Variants in PCDHA3 observed in about 807,000 individuals in gnomAD.
PCDHA3 encodes protocadherin alpha 3.
Under a neutral mutation model 62.2 loss-of-function variants are expected in PCDHA3, and 41 were observed. That is an observed-to-expected ratio of 0.66 (90% CI 0.51 to 0.86). PCDHA3 has a LOEUF of 0.86. Among genes scored for constraint, PCDHA3 ranks in the 40% least tolerant of loss-of-function variants. PCDHA3 has a pLI of 0.00. For synonymous variants in PCDHA3, 640 were observed against 555.4 expected, an observed-to-expected ratio of 1.15 and a Z score of -2.14; for missense variants, 1,304 against 1,241.2, an observed-to-expected ratio of 1.05 and a Z score of -0.76.
At chr5:140,897,307 A>G (rs2065987327) in intron 1 of PCDHA3, among the ~76,000 whole-genome samples, 2 of 148,058 alleles carry the variant, frequency 1.4e-5, no homozygotes, top group African/African-American at 2.5e-5. Context: ...AGCATTAGGT[A>G]TATCTCCTAA....
intron 1 of PCDHA3, among the ~76,000 whole-genome samples, chr5:140,901,744 A>G (rs781984509): frequency 1.3e-5 from 2 of 152,144 alleles, no homozygotes; most frequent in Non-Finnish European, 2.9e-5. Context: ...AAGAATGTCC[A>G]TGGTATTTTG....
chr5:140,891,055 G>A (rs2062932146), intron 1 of PCDHA3, among the ~76,000 whole-genome samples: 1 of 152,142 alleles, frequency 6.6e-6, no homozygotes, highest in Admixed American at 6.5e-5. Context: ...ACAGCACATA[G>A]TAAATATTAT....
At chr5:140,916,363 T>C (rs2077541371) in intron 1 of PCDHA3, among the ~76,000 whole-genome samples, 2 of 152,124 alleles carry the variant, frequency 1.3e-5, no homozygotes, top group African/African-American at 4.8e-5. Context: ...GAAGGAGTCT[T>C]TCACTGTAGC....
intron 1 of PCDHA3, chr5:140,822,231 G>T (rs1328345342): frequency 5.0e-6 from 8 of 1,614,118 alleles, no homozygotes; most frequent in Middle Eastern, 1.6e-4. Flanking sequence ...CGCGGTTTCC[G>T]CTAGAGGGCG....
chr5:140,882,116 GTTTC>G (rs1420968771), intron 1 of PCDHA3: 4 of 1,427,956 alleles, frequency 2.8e-6, no homozygotes, highest in South Asian at 1.4e-5. Flanking sequence ...GAAAGCCGCC[GTTTC>G]TTTCTTCCTG....
intron 1 of PCDHA3, among the ~76,000 whole-genome samples, chr5:140,950,043 A>G (rs1011500100): frequency 1.6e-4 from 25 of 151,950 alleles, no homozygotes; most frequent in Non-Finnish European, 3.4e-4. Context: ...TTACAACCAT[A>G]TAAGACTATT....
intron 1 of PCDHA3, chr5:140,877,824 A>G (rs1554170141): frequency 1.9e-6 from 3 of 1,602,118 alleles, no homozygotes; most frequent in Non-Finnish European, 2.6e-6. Flanking sequence ...AAGATTGTTT[A>G]AATCCTCCCA....
intron 1 of PCDHA3, chr5:140,865,276 A>C (rs1259929585): frequency 6.6e-6 from 1 of 152,182 alleles, no homozygotes; most frequent in African/African-American, 2.4e-5. Flanking sequence ...TTATATGTAA[A>C]ATTACTTTGC....
intron 1 of PCDHA3, chr5:140,871,653 C>G (rs2053243834): frequency 3.2e-6 from 4 of 1,244,250 alleles, no homozygotes; most frequent in Non-Finnish European, 4.4e-6. Flanking sequence ...CCAAATGATA[C>G]ACATCTTCAG....
At chr5:140,993,616 C>A (rs1554253872) in intron 3 of PCDHA3, among the ~76,000 whole-genome samples, 2 of 151,688 alleles carry the variant, frequency 1.3e-5, no homozygotes, top group Admixed American at 6.6e-5. Context: ...TTGTTGGGAC[C>A]CTCTATATAT....
intron 1 of PCDHA3, chr5:140,883,882 C>T (rs200536915): frequency 6.8e-6 from 11 of 1,613,068 alleles, no homozygotes; most frequent in Middle Eastern, 1.7e-4. Flanking sequence ...TGAGCGCGCG[C>T]GACTCTGGCG....
chr5:140,896,391 A>G (rs1438393041), intron 1 of PCDHA3, among the ~76,000 whole-genome samples: 2 of 152,040 alleles, frequency 1.3e-5, no homozygotes, highest in Non-Finnish European at 2.9e-5. Context: ...CCTCACCAGC[A>G]TCTGTTATTT....
chr5:140,869,999 G>A, intron 1 of PCDHA3: 1 of 1,613,514 alleles, frequency 6.2e-7, no homozygotes, highest in Non-Finnish European at 8.5e-7. Context: ...CAAAATAATG[G>A]AGAAGTGAGG....
At chr5:140,862,498 TG>T in intron 1 of PCDHA3, 1 of 395,232 alleles carries the variant, frequency 2.5e-6, no homozygotes, top group Non-Finnish European at 5.1e-6. Flanking sequence ...TCGCTCGGAA[TG>T]GGGACTCGCT....
At chr5:140,935,245 T>A (rs1409133658) in intron 1 of PCDHA3, among the ~76,000 whole-genome samples, 1 of 152,200 alleles carries the variant, frequency 6.6e-6, no homozygotes, top group Non-Finnish European at 1.5e-5. Flanking sequence ...TTTTAAAAGA[T>A]AAAATACATC....
chr5:140,975,841 G>T (rs1389959509), intron 1 of PCDHA3, among the ~76,000 whole-genome samples: 1 of 152,066 alleles, frequency 6.6e-6, no homozygotes, highest in Non-Finnish European at 1.5e-5. Context: ...TTATTCTTCA[G>T]TAATACTACA....
chr5:140,923,275 CA>C (rs1328074482), intron 1 of PCDHA3, among the ~76,000 whole-genome samples: 2 of 152,128 alleles, frequency 1.3e-5, no homozygotes, highest in Admixed American at 1.3e-4. Context: ...CTTGTCTCTA[CA>C]AAAAATTAAA....
At chr5:141,007,704 C>T (rs2098341593) in intron 3 of PCDHA3, among the ~76,000 whole-genome samples, 1 of 152,200 alleles carries the variant, frequency 6.6e-6, no homozygotes, top group African/African-American at 2.4e-5. Flanking sequence ...CCTCCTCTGC[C>T]TCCCACCACC....
intron 3 of PCDHA3, among the ~76,000 whole-genome samples, chr5:141,005,783 C>T (rs79683532): frequency 0.097 from 14,322 of 148,270 alleles, 898 homozygotes; most frequent in African/African-American, 0.18. Context: ...TGTAAAGATC[C>T]TGAGGCAAAA....
Sources: allele counts gnomAD v4.1 joint callset (sites outside exome capture counted in the v4.1 genomes callset), GRCh38; gene constraint gnomAD v4.1.1; transcripts MANE v1.5; gene names NCBI Gene and HGNC (gene_info 2026-07-23, HGNC 2026-07-21).